Variants in FUBP1 observed in about 807,000 individuals in gnomAD.
FUBP1 encodes the protein far upstream element binding protein 1, also known as far upstream element-binding protein 1.
A neutral mutation model predicts 94.9 loss-of-function variants in FUBP1; 16 were observed. The ratio of observed to expected loss-of-function variants is 0.17; its 90% CI spans 0.11 to 0.26. FUBP1 has a LOEUF of 0.26. Among genes scored for constraint, FUBP1 ranks in the 10% least tolerant of loss-of-function variants. FUBP1 has a pLI of 1.00. For missense variants in FUBP1, 583 were observed against 808.6 expected, an observed-to-expected ratio of 0.72 and a Z score of 3.38; for synonymous variants, 279 against 254.9, an observed-to-expected ratio of 1.09 and a Z score of -0.90.
At chr1:77,968,779 AC>A (rs1656992469) in intron 2 of FUBP1, among the ~76,000 whole-genome samples, 1 of 152,140 alleles carries the variant, frequency 6.6e-6, no homozygotes, top group African/African-American at 2.4e-5. Flanking sequence ...CTACATGACT[AC>A]CTTCACCTAA....
rs200871038 is a variant in FUBP1, at chr1:77,964,337, G to A, written c.857C>T (p.Ala286Val). The change falls in exon 11 of 20, where the codon GCT (alanine) becomes GTT (valine). Residue 286 changes from alanine to valine, a missense_variant. Coordinates refer to ENST00000370768, the MANE Select transcript of FUBP1 (RefSeq NM_003902.5). ...ATTTCTTCCTATTACAATGCCAACA[G>A]CAAATCTTGGAATGGGGACCTTATG... ...EGIDVPIPRF[A>V]VGIVIGRNGE... 1.8e-5 allele frequency: 28 copies of A among 1,594,654 alleles called. No individual in the cohort carries two copies. Among genetic ancestry groups the A allele is most frequent in the African/African-American group, 1.3e-5 (1 of 74,764 alleles).
intron 2 of FUBP1, chr1:77,969,138 C>A: frequency 1.5e-6 from 1 of 659,720 alleles, no homozygotes; most frequent in South Asian, 1.7e-5. Flanking sequence ...GCATCATTAG[C>A]TCATTTTTTT....
intron 2 of FUBP1, chr1:77,968,872 A>C (rs1444100164): frequency 2.9e-6 from 1 of 341,806 alleles, no homozygotes; most frequent in Non-Finnish European, 6.2e-6. Flanking sequence ...TCCCCCCTTC[A>C]AACTTAAATG....
chr1:77,967,833 G>A (rs763336511), intron 3 of FUBP1, among the ~76,000 whole-genome samples, 167 bp from the exon 4 acceptor site: 8 of 152,042 alleles, frequency 5.3e-5, no homozygotes, highest in Non-Finnish European at 8.8e-5. Context: ...CATTGACAGG[G>A]GCAAGAGAGC....
intron 14 of FUBP1, 132 bp downstream of exon 14, chr1:77,962,638 T>G: frequency 1.8e-6 from 1 of 547,832 alleles, no homozygotes; most frequent in Non-Finnish European, 3.2e-6. Flanking sequence ...TTGTATCTAT[T>G]ATACATATCA....
At chr1:77,956,128 T>C (rs368256038) in intron 17 of FUBP1, among the ~76,000 whole-genome samples, 7 of 152,226 alleles carry the variant, frequency 4.6e-5, no homozygotes, top group African/African-American at 1.7e-4. Flanking sequence ...AAGAACTTAA[T>C]ATATCAATGT....
At position 77,965,014 on chromosome 1, in the gene FUBP1, CA is replaced by C; in HGVS notation, c.637-47del. 1.9e-6 allele frequency: 3 copies of C among 1,586,852 alleles called. No homozygotes were observed. The South Asian group carries it at 3.3e-5, about 18-fold the overall frequency. On this transcript the variant is annotated intron_variant, in intron 8 of 19. Transcript: ENST00000370768. The stretch of plus-strand genomic sequence containing the variant: ...ATATATATTAACAAAAGGAAGTGGA[CA>C]AAAATGGGCATCAAAACAGATCAAA...
chr1:77,948,404 G>T lies in FUBP1; in HGVS notation c.*362C>A, dbSNP rs1189855396. The T allele has an allele frequency of 9.2e-7, 1 of 1,081,620 alleles. No individual in the cohort carries two copies. The highest frequency in any genetic ancestry group is 5.0e-5 in the Admixed American group (1 of 19,862). 67.0% of individuals were successfully genotyped at this position (1,081,620 alleles called of 1,614,324 possible). The stretch of plus-strand genomic sequence containing the variant: ...CCCACATATCCAACTTACCGACACA[G>T]GAGGTTTCATATCATTTATTGTAAA... On this transcript the variant is annotated 3_prime_UTR_variant, in exon 20 of 20. Coordinates refer to ENST00000370768, the MANE Select transcript of FUBP1 (RefSeq NM_003902.5).
In FUBP1 at chr1:77,966,698, C is replaced by T. The variant is rs1284370233; in HGVS notation, c.469G>A (p.Val157Ile). The T allele has an allele frequency of 1.3e-6, 2 of 1,501,412 alleles. No individual in the cohort carries two copies. Among genetic ancestry groups the T allele is most frequent in the Admixed American group, 1.7e-5 (1 of 59,342 alleles). The allele number at this position is 1,501,412 out of a possible 1,614,324, so 93.0% of individuals were successfully genotyped here. A position where few individuals can be genotyped will look rare whatever the true frequency, so the allele number is the denominator to read the frequency against. Residue 157 changes from valine (V) to isoleucine (I), a missense_variant, in exon 7 of 20, where the codon GTC (valine) becomes ATC (isoleucine). Transcript: ENST00000370768. ...SCMLTGTPES[V>I]QSAKRLLDQI... ...TTTAAGATTTTTCAAACTTACTGGA[C>T]AGATTCAGGTGTTCCAGTTAACATA...
rs1203192052 is a variant in FUBP1 at position 77,947,017 on chromosome 1, C to G, written c.*1749G>C. ...AGTATATTCAAAACAACAAATGGTG[C>G]TCTCCACCAATGACAAAATATATAT... On this transcript the variant is annotated 3_prime_UTR_variant, in exon 20 of 20. Transcript: ENST00000370768. The G allele has an allele frequency of 4.8e-6, 1 of 208,724 alleles. No homozygotes were observed. The highest frequency in any genetic ancestry group is 1.9e-4 in the South Asian group (1 of 5,392). The allele number at this position is 208,724 out of a possible 1,614,324, so 12.9% of individuals were successfully genotyped here.
chr1:77,944,080 G>T lies in FUBP1; in HGVS notation c.*4686C>A. 1 of 182,946 alleles carries T rather than the reference G, an allele frequency of 5.5e-6. No homozygotes were observed. Among genetic ancestry groups the T allele is most frequent in the Non-Finnish European group, 1.2e-5 (1 of 85,974 alleles). The allele number at this position is 182,946 out of a possible 1,614,324, so 11.3% of individuals were successfully genotyped here. On this transcript the variant is annotated 3_prime_UTR_variant, in exon 20 of 20. Transcript: ENST00000370768. Reference sequence around the variant, plus strand: ...TAATAGTCATCAATGTACATTTATTGAGGAAACCATAATGAATACAAAATT... The same window carrying T: ...TAATAGTCATCAATGTACATTTATTTAGGAAACCATAATGAATACAAAATT...
At chr1:77,967,210 A>G (rs554170236) in intron 4 of FUBP1, 109 bp from the exon 5 acceptor site, 1 of 689,120 alleles carries the variant, frequency 1.5e-6, no homozygotes, top group Admixed American at 2.9e-5. Context: ...CAATGGCTTA[A>G]ACTAAGGTTC....
At chr1:77,957,037 C>T (rs1370069413) in intron 16 of FUBP1, among the ~76,000 whole-genome samples, 2 of 151,970 alleles carry the variant, frequency 1.3e-5, no homozygotes, top group Non-Finnish European at 2.9e-5. Flanking sequence ...ATTGGTTTCG[C>T]CTCAAGCACA....
At chr1:77,948,809 A>G in intron 19 of FUBP1, 35 bp from the exon 20 acceptor site, 1 of 1,608,214 alleles carries the variant, frequency 6.2e-7, no homozygotes, top group Non-Finnish European at 8.5e-7. Context: ...ATACACAAAA[A>G]GTTAAAGAAA....
At chr1:77,968,364 T>C (rs1205034352) in intron 2 of FUBP1, among the ~76,000 whole-genome samples, 161 bp from the exon 3 acceptor site, 1 of 152,022 alleles carries the variant, frequency 6.6e-6, no homozygotes, top group Non-Finnish European at 1.5e-5. Context: ...CTCAGTAATC[T>C]AAAAAAGAAA....
chr1:77,950,250 TC>T (rs1653150217), intron 18 of FUBP1, among the ~76,000 whole-genome samples: 2 of 152,116 alleles, frequency 1.3e-5, no homozygotes, highest in South Asian at 4.1e-4. Flanking sequence ...AGCCTCAACC[TC>T]CCAGGGCTCA....
In FUBP1 at chr1:77,963,781, A is replaced by G. The variant is rs536847942; in HGVS notation, c.1042-66T>C. 3.6e-5 allele frequency: 49 copies of G among 1,359,144 alleles called. No individual in the cohort carries two copies. The South Asian group carries it at 6.1e-4, about 17-fold the overall frequency. 84.2% of individuals were successfully genotyped at this position (1,359,144 alleles called of 1,614,324 possible). ...AATACTTTTGTTTCATGATAAAATT[A>G]TTAAGTTTATTTTTCCCAGCTCTCA... On this transcript the variant is annotated intron_variant, in intron 12 of 19. Coordinates refer to ENST00000370768, the MANE Select transcript of FUBP1 (RefSeq NM_003902.5).
Position 77,966,955 on chromosome 1 carries a change from A to G in FUBP1, c.344T>C (p.Ile115Thr), listed in dbSNP as rs1656619363. ...YKVPDGMVGF[I>T]IGRGGEQISR... ...GATCTGTTCACCTCCTCTGCCAATT[A>G]CTAGTTAGAAAAAAAAAAATTTTTT... is the stretch of plus-strand genomic sequence containing the variant. Residue 115 changes from isoleucine to threonine, a missense_variant and splice_region_variant, in exon 6 of 20, where the codon ATA becomes ACA. Transcript: ENST00000370768. 1 of 1,596,268 alleles carries G rather than the reference A, an allele frequency of 6.3e-7. No individual in the cohort carries two copies. The highest frequency in any genetic ancestry group is 8.6e-7 in the Non-Finnish European group (1 of 1,166,598).
At chr1:77,977,727 A>T (rs927183361) in intron 1 of FUBP1, among the ~76,000 whole-genome samples, 1 of 152,218 alleles carries the variant, frequency 6.6e-6, no homozygotes, top group Admixed American at 6.5e-5. Flanking sequence ...GAATTTCTTA[A>T]ATTACGTGGA....
Sources: allele counts gnomAD v4.1 joint callset (sites outside exome capture counted in the v4.1 genomes callset), GRCh38; gene constraint gnomAD v4.1.1; transcripts MANE v1.5; gene names NCBI Gene and HGNC (gene_info 2026-07-23, HGNC 2026-07-21).